Variants in ZBTB26 observed in about 807,000 individuals in gnomAD.
ZBTB26 encodes the protein zinc finger and BTB domain containing 26.
ZBTB26 carries 12 observed loss-of-function variants against 31.6 expected under a neutral mutation model. The ratio of observed to expected loss-of-function variants is 0.38; its 90% CI spans 0.24 to 0.61. ZBTB26 has a LOEUF of 0.61. ZBTB26 is among the 20% of genes least tolerant of loss of function. The pLI is 0.60. For missense variants in ZBTB26, 311 were observed against 521.9 expected (o/e 0.60, Z 3.94); for synonymous variants, 155 against 182.9 (o/e 0.85, Z 1.23).
chr9:122,926,289 C>A (rs1588131898), intron 1 of ZBTB26, among the ~76,000 whole-genome samples: 2 of 151,768 alleles, frequency 1.3e-5, no homozygotes, highest in Non-Finnish European at 2.9e-5. Context: ...CCGAGGTGGG[C>A]AGATCATGAG....
rs1833013104 is a variant in ZBTB26 at position 122,916,014 on chromosome 9, C to G, written c.*2595G>C. Reference sequence around the variant, plus strand: ...TCTGTAAAATACTGGATATCAGTAACTTGACTTCTTTGCAATATAATCTAA... The same window carrying G: ...TCTGTAAAATACTGGATATCAGTAAGTTGACTTCTTTGCAATATAATCTAA... On this transcript the variant is annotated 3_prime_UTR_variant, in exon 2 of 2. Transcript: ENST00000373656. 6.6e-6 allele frequency: 1 copy of G among 152,144 alleles called. No individual in the cohort carries two copies. The highest frequency in any genetic ancestry group is 2.1e-4 in the South Asian group (1 of 4,830). 9.4% of individuals were successfully genotyped at this position (152,144 alleles called of 1,614,324 possible).
At chr9:122,922,738 A>G (rs1258386670) in intron 1 of ZBTB26, among the ~76,000 whole-genome samples, 3 of 152,266 alleles carry the variant, frequency 2.0e-5, no homozygotes, top group Admixed American at 6.5e-5. Context: ...GTCTGAGGCC[A>G]TGATGGCCTA....
At chr9:122,929,348 C>T (rs1833231999) in intron 1 of ZBTB26, among the ~76,000 whole-genome samples, 1 of 152,224 alleles carries the variant, frequency 6.6e-6, no homozygotes, top group African/African-American at 2.4e-5. Flanking sequence ...ACCTGGGTCT[C>T]TTTCCAAGCC....
At chr9:122,920,821 AACT>A (rs1833085975) in intron 1 of ZBTB26, among the ~76,000 whole-genome samples, 1 of 152,186 alleles carries the variant, frequency 6.6e-6, no homozygotes, top group African/African-American at 2.4e-5. Flanking sequence ...TTGTTCTTTA[AACT>A]TTATCCCTAT....
chr9:122,927,130 C>T (rs1219469148), intron 1 of ZBTB26, among the ~76,000 whole-genome samples: 1 of 152,180 alleles, frequency 6.6e-6, no homozygotes, highest in Non-Finnish European at 1.5e-5. Flanking sequence ...TCTTTATTAT[C>T]TATTGCCTCA....
At chr9:122,928,748 C>CA (rs1267890523) in intron 1 of ZBTB26, among the ~76,000 whole-genome samples, 2 of 152,196 alleles carry the variant, frequency 1.3e-5, no homozygotes, top group Non-Finnish European at 2.9e-5. Context: ...TCAAGGTACT[C>CA]AAAAATACCT....
Position 122,919,645 on chromosome 9 carries a change from T to G in ZBTB26, c.290A>C (p.Glu97Ala), listed in dbSNP as rs1393796206. The stretch of plus-strand genomic sequence containing the variant: ...AGTCAAGTAATTTACCAGTTCCATC[T>G]CAGGGAATTCCAGCACACCACTATA... The part of the protein sequence containing the change: ...SCYSGVLEFP[E>A]MELVNYLTAA... Residue 97 changes from glutamate (E) to alanine (A), a missense_variant, in exon 2 of 2, where the codon GAG becomes GCG. Glu to Ala is a moderately radical substitution (Grantham distance 107). This residue lies in a region of ZBTB26 where 207 missense variants were observed against 298.6 expected (regional missense o/e 0.69). Coordinates refer to ENST00000373656, the MANE Select transcript of ZBTB26 (RefSeq NM_020924.4). The surrounding 1 kb of genome is among the most constrained non-coding windows in gnomAD (Gnocchi z 6.1). 1 of 1,614,184 alleles carries G rather than the reference T, an allele frequency of 6.2e-7. No individual in the cohort carries two copies. Among genetic ancestry groups the G allele is most frequent in the Non-Finnish European group, 8.5e-7 (1 of 1,180,028 alleles).
At chr9:122,930,318 A>G (rs1833251707) in intron 1 of ZBTB26, among the ~76,000 whole-genome samples, 1 of 152,204 alleles carries the variant, frequency 6.6e-6, no homozygotes, top group Non-Finnish European at 1.5e-5. Flanking sequence ...TTGGTCCCTC[A>G]CACTTCTTCA....
At chr9:122,922,627 G>A (rs1833117477) in intron 1 of ZBTB26, among the ~76,000 whole-genome samples, 2 of 152,206 alleles carry the variant, frequency 1.3e-5, no homozygotes, top group African/African-American at 4.8e-5. Context: ...TACACAGCAA[G>A]TGCTCAGTTT....
chr9:122,923,217 G>A (rs1833129689), intron 1 of ZBTB26, among the ~76,000 whole-genome samples: 1 of 150,612 alleles, frequency 6.6e-6, no homozygotes, highest in Non-Finnish European at 1.5e-5. Context: ...AAGAAAGAGA[G>A]GTGAAATTTA....
At chr9:122,930,495 G>T (rs891762653) in intron 1 of ZBTB26, among the ~76,000 whole-genome samples, 1 of 152,174 alleles carries the variant, frequency 6.6e-6, no homozygotes, top group Non-Finnish European at 1.5e-5. Flanking sequence ...TTAGCTAAAT[G>T]TCTAAATGCA....
rs1257264171 is a variant in ZBTB26 at position 122,915,574 on chromosome 9, T to A, written c.*3035A>T. On this transcript the variant is annotated 3_prime_UTR_variant, in exon 2 of 2. Transcript: ENST00000373656. The stretch of plus-strand genomic sequence containing the variant: ...ACCAATGACACCAGAGCTTTAATCG[T>A]CACACTTTTATTAAGGAAACTTCCC... 1 of 152,218 alleles carries A rather than the reference T, an allele frequency of 6.6e-6. No individual in the cohort carries two copies. Among genetic ancestry groups the A allele is most frequent in the Non-Finnish European group, 1.5e-5 (1 of 68,042 alleles). 9.4% of individuals were successfully genotyped at this position (152,218 alleles called of 1,614,324 possible). A position where few individuals can be genotyped will look rare whatever the true frequency, so the allele number is the denominator to read the frequency against.
intron 1 of ZBTB26, among the ~76,000 whole-genome samples, chr9:122,923,702 T>C (rs1399219014): frequency 2.6e-5 from 4 of 152,224 alleles, no homozygotes; most frequent in African/African-American, 7.2e-5. Flanking sequence ...TAAGCATTCA[T>C]TGGTTCTACC....
intron 1 of ZBTB26, among the ~76,000 whole-genome samples, chr9:122,923,815 T>G (rs940057867): frequency 6.6e-6 from 1 of 152,234 alleles, no homozygotes; most frequent in South Asian, 2.1e-4. Context: ...TTTAGTCATG[T>G]GTCATATGAC....
rs1284016513 is a variant in ZBTB26 at position 122,917,725 on chromosome 9, A to G, written c.*884T>C. On this transcript the variant is annotated 3_prime_UTR_variant, in exon 2 of 2. Coordinates refer to ENST00000373656, the MANE Select transcript of ZBTB26 (RefSeq NM_020924.4). ...TCTGATGGCTAAACTCTGAAACAAA[A>G]TTCAGAGACTCCCAAATAGCCTCTT... 1 of 152,238 alleles carries G rather than the reference A, an allele frequency of 6.6e-6. No individual in the cohort carries two copies. Among genetic ancestry groups the G allele is most frequent in the African/African-American group, 2.4e-5 (1 of 41,454 alleles). 9.4% of individuals were successfully genotyped at this position (152,238 alleles called of 1,614,324 possible). A position where few individuals can be genotyped will look rare whatever the true frequency, so the allele number is the denominator to read the frequency against.
chr9:122,922,823 G>A (rs1358801121), intron 1 of ZBTB26, among the ~76,000 whole-genome samples: 1 of 152,190 alleles, frequency 6.6e-6, no homozygotes, highest in Non-Finnish European at 1.5e-5. Flanking sequence ...TAACTGACTG[G>A]ATATAGAGAA....
At chr9:122,927,383 T>C (rs1224043201) in intron 1 of ZBTB26, among the ~76,000 whole-genome samples, 2 of 152,058 alleles carry the variant, frequency 1.3e-5, no homozygotes, top group Admixed American at 6.6e-5. Flanking sequence ...AGTGAGAAAA[T>C]AGTTTCTTTT....
chr9:122,924,221 C>T (rs1833143495), intron 1 of ZBTB26, among the ~76,000 whole-genome samples: 1 of 152,208 alleles, frequency 6.6e-6, no homozygotes, highest in African/African-American at 2.4e-5. Context: ...TTGCTTTGAT[C>T]TGTCTGCTGT....
intron 1 of ZBTB26, among the ~76,000 whole-genome samples, chr9:122,927,118 G>A (rs1050753690): frequency 2.0e-5 from 3 of 152,048 alleles, no homozygotes; most frequent in Non-Finnish European, 4.4e-5. Context: ...CCATAGTTCA[G>A]GTCTTTATTA....
Sources: gnomAD v4.1 joint callset for allele counts (sites outside exome capture counted in the v4.1 genomes callset) on GRCh38, gnomAD v4.1.1 for gene constraint, gnomAD v4.1.1 regional missense constraint, Gnocchi (gnomAD v3.1) non-coding constraint, MANE v1.5 for transcripts, NCBI Gene and HGNC (gene_info 2026-07-23, HGNC 2026-07-21) for gene names.